Variants in CCDC171 observed in about 807,000 individuals in gnomAD.
CCDC171 encodes coiled-coil domain containing 171.
CCDC171 carries 177 observed loss-of-function variants against 168.2 expected under a neutral mutation model. The observed-to-expected ratio is 1.05, with a 90% CI of 0.93 to 1.19. CCDC171 has a LOEUF of 1.19. Among genes scored for constraint, CCDC171 ranks in the 50% most tolerant of loss-of-function variants. The pLI, the probability that CCDC171 is intolerant of heterozygous loss-of-function variation, is 0.00. For synonymous variants in CCDC171, 687 were observed against 540.8 expected, an observed-to-expected ratio of 1.27 and a Z score of -3.75; for missense variants, 1,991 against 1,539.0, an observed-to-expected ratio of 1.29 and a Z score of -4.91.
At chr9:15,836,060 C>T (rs2060433672) in intron 21 of CCDC171, among the ~76,000 whole-genome samples, 3 of 152,006 alleles carry the variant, frequency 2.0e-5, no homozygotes, top group Admixed American at 6.6e-5. Flanking sequence ...CATATCTTCC[C>T]CCAATGATCC....
intron 6 of CCDC171, among the ~76,000 whole-genome samples, chr9:15,611,436 C>T (rs1167826841): frequency 6.6e-6 from 1 of 152,234 alleles, no homozygotes; most frequent in South Asian, 2.1e-4. Context: ...ATGTGGAGCC[C>T]TTGCATTGAA....
chr9:15,630,984 A>G (rs1201177723), intron 7 of CCDC171, among the ~76,000 whole-genome samples: 21 of 152,196 alleles, frequency 1.4e-4, no homozygotes, highest in African/African-American at 4.8e-4. Flanking sequence ...GAGAACAAAG[A>G]CACAACATAC....
At chr9:15,916,277 C>T (rs1051955492) in intron 24 of CCDC171, among the ~76,000 whole-genome samples, 5 of 151,786 alleles carry the variant, frequency 3.3e-5, no homozygotes, top group African/African-American at 7.3e-5. Flanking sequence ...GTAGTTTAAG[C>T]TCATTTCATG....
Position 15,777,694 on chromosome 9 carries a change from T to G in CCDC171, c.2766T>G (p.Cys922Trp), listed in dbSNP as rs1307213083. Residue 922 changes from cysteine (C) to tryptophan (W), a missense_variant, in exon 19 of 26, where the codon TGT (cysteine) becomes TGG (tryptophan). Cys to Trp is a radical substitution (Grantham distance 215). Coordinates refer to ENST00000380701, the MANE Select transcript of CCDC171 (RefSeq NM_173550.4). ...ATAAAATTAGTCTGGTAATGGAATG[T>G]ATACCTCTGCACAGTAGCAGGAGTA... ...LMDKISLVME[C>W]IPLHSSRSIT... is the part of the protein sequence containing the mutation. 3 of 1,613,916 alleles carry G rather than the reference T, an allele frequency of 1.9e-6. No individual in the cohort carries two copies. The African/African-American group carries it at 4.0e-5, about 22-fold the overall frequency.
At chr9:15,591,270 A>G in intron 4 of CCDC171, 96 bp from the exon 5 acceptor site, 1 of 700,480 alleles carries the variant, frequency 1.4e-6, no homozygotes, top group Non-Finnish European at 2.4e-6. Flanking sequence ...TCCTAAGATC[A>G]TGCTGTAAAT....
At chr9:15,749,877 T>A (rs1425869531) in intron 18 of CCDC171, among the ~76,000 whole-genome samples, 1 of 151,784 alleles carries the variant, frequency 6.6e-6, no homozygotes, top group Non-Finnish European at 1.5e-5. Context: ...GCAGGAAAGA[T>A]CAAAATCAAC....
chr9:15,779,198 C>A, intron 20 of CCDC171, 48 bp downstream of exon 20: 1 of 1,109,588 alleles, frequency 9.0e-7, no homozygotes, highest in Non-Finnish European at 1.2e-6. Context: ...ATATATATTT[C>A]TTTATCTCTA....
intron 3 of CCDC171, among the ~76,000 whole-genome samples, chr9:15,984,935 A>G (rs1054408791): frequency 2.6e-5 from 4 of 152,300 alleles, no homozygotes; most frequent in South Asian, 2.1e-4. Flanking sequence ...AAGTATTTCT[A>G]TATGAAAGTT....
At chr9:15,798,895 C>G (rs1013510411) in intron 21 of CCDC171, among the ~76,000 whole-genome samples, 2 of 151,554 alleles carry the variant, frequency 1.3e-5, no homozygotes, top group African/African-American at 4.8e-5. Flanking sequence ...TATAATATAC[C>G]TATTTCACCT....
chr9:15,865,809 A>C (rs1401870604), intron 23 of CCDC171, among the ~76,000 whole-genome samples: 1 of 151,168 alleles, frequency 6.6e-6, no homozygotes, highest in Non-Finnish European at 1.5e-5. Flanking sequence ...GGGGGTTGGC[A>C]TCCCTAACCC....
intron 7 of CCDC171, among the ~76,000 whole-genome samples, chr9:15,647,785 C>G (rs1587715976): frequency 6.6e-6 from 1 of 152,088 alleles, no homozygotes; most frequent in Admixed American, 6.5e-5. Flanking sequence ...AAGTCCAGGA[C>G]CAGACGATTC....
chr9:16,016,196 C>T (rs553573445), intron 3 of CCDC171, among the ~76,000 whole-genome samples: 1 of 152,170 alleles, frequency 6.6e-6, no homozygotes, highest in Non-Finnish European at 1.5e-5. Flanking sequence ...TACTGTTTTC[C>T]ACAGCGGCAG....
At chr9:16,007,840 T>A (rs11792622) in intron 3 of CCDC171, among the ~76,000 whole-genome samples, 50,647 of 152,042 alleles carry the variant, frequency 0.33, 8,700 homozygotes, top group Non-Finnish European at 0.36. Context: ...TGTAGCCTTG[T>A]AGTATAGTTT....
chr9:16,089,114 T>G, the CCDC171 span, among the ~76,000 whole-genome samples: 26,422 of 151,684 alleles, frequency 0.17, 2,379 homozygotes, highest in South Asian at 0.21. Context: ...ATGGGGAAAA[T>G]ATTCCCTATT....
chr9:15,759,941 T>C (rs532085346), intron 18 of CCDC171, among the ~76,000 whole-genome samples: 2 of 152,286 alleles, frequency 1.3e-5, no homozygotes, highest in South Asian at 4.1e-4. Context: ...TGATTTGTAA[T>C]TGACTCATTG....
intron 6 of CCDC171, among the ~76,000 whole-genome samples, chr9:16,033,097 A>G (rs1266556934): frequency 1.3e-5 from 2 of 152,184 alleles, no homozygotes; most frequent in East Asian, 3.9e-4. Context: ...GAGCTGGACA[A>G]ACAGAAACAC....
At chr9:15,679,147 G>A (rs1372477600) in intron 10 of CCDC171, among the ~76,000 whole-genome samples, 1 of 151,996 alleles carries the variant, frequency 6.6e-6, no homozygotes, top group Non-Finnish European at 1.5e-5. Flanking sequence ...TTTCAAAAAT[G>A]TATTCAAATG....
intron 23 of CCDC171, among the ~76,000 whole-genome samples, chr9:15,870,887 A>G (rs138598086): frequency 1.3e-5 from 2 of 151,488 alleles, no homozygotes; most frequent in East Asian, 3.9e-4. Flanking sequence ...TACAGTATGG[A>G]TCTTGTGGAT....
At position 15,846,809 on chromosome 9, in the gene CCDC171, C is replaced by T; in HGVS notation, c.3375C>T (p.Asn1125=). Residue 1125 remains asparagine (N), a synonymous_variant, in exon 22 of 26, where the codon AAC becomes AAT. Coordinates refer to ENST00000380701, the MANE Select transcript of CCDC171 (RefSeq NM_173550.4). ...AGGACAAGCGTCGACTGGAGGAGAA[C>T]ATCCATGATGCAGAGAGTGCCCTCC... ...LEQDKRRLEE[N]IHDAESALRM... 1.2e-6 allele frequency: 2 copies of T among 1,610,664 alleles called. No individual in the cohort carries two copies. Among genetic ancestry groups the T allele is most frequent in the East Asian group, 2.2e-5 (1 of 44,792 alleles).
Sources: allele counts gnomAD v4.1 joint callset (sites outside exome capture counted in the v4.1 genomes callset), GRCh38; gene constraint gnomAD v4.1.1; transcripts MANE v1.5; gene names NCBI Gene and HGNC (gene_info 2026-07-23, HGNC 2026-07-21).